DCDC2C: variants seen among roughly 807,000 people sequenced by gnomAD.
DCDC2C encodes the protein doublecortin domain containing 2C, also known as doublecortin domain-containing protein 2C.
Under a neutral mutation model 45.0 loss-of-function variants are expected in DCDC2C, and 44 were observed. The ratio of observed to expected loss-of-function variants is 0.98; its 90% CI spans 0.77 to 1.26. DCDC2C has a LOEUF of 1.26. Ranked by LOEUF, DCDC2C falls within the 50% of genes most tolerant of loss-of-function variation. The probability of loss-of-function intolerance (pLI) is 0.00; values close to 1 mark genes in which losing one functional copy is unlikely to be tolerated. For synonymous variants in DCDC2C, 187 were observed against 178.8 expected (o/e 1.05, Z -0.37); for missense variants, 447 against 468.9 (o/e 0.95, Z 0.43).
intron 10 of DCDC2C, among the ~76,000 whole-genome samples, chr2:3,822,464 T>G (rs2148225353): frequency 6.6e-6 from 1 of 152,256 alleles, no homozygotes; most frequent in South Asian, 2.1e-4. Flanking sequence ...AATAGTGTTA[T>G]TCCCTGTACA....
intron 10 of DCDC2C, among the ~76,000 whole-genome samples, chr2:3,845,066 C>T (rs1289029776): frequency 6.6e-6 from 1 of 152,122 alleles, no homozygotes; most frequent in Non-Finnish European, 1.5e-5. Context: ...CAGTAGAATC[C>T]TATGTACATT....
intron 3 of DCDC2C, among the ~76,000 whole-genome samples, chr2:3,730,331 C>T (rs1668827916): frequency 6.6e-6 from 1 of 152,086 alleles, no homozygotes; most frequent in East Asian, 1.9e-4. Context: ...CTCCCTAAAC[C>T]ATCCAGTAAG....
chr2:3,768,227 G>A (rs1670066780), intron 7 of DCDC2C, among the ~76,000 whole-genome samples: 1 of 151,136 alleles, frequency 6.6e-6, no homozygotes, highest in South Asian at 2.1e-4. Flanking sequence ...GAACATAAAA[G>A]CCACCGAGAT....
intron 1 of DCDC2C, among the ~76,000 whole-genome samples, chr2:3,707,495 C>G (rs1344084190): frequency 1.3e-5 from 2 of 152,206 alleles, no homozygotes; most frequent in Non-Finnish European, 2.9e-5. Flanking sequence ...AGCCAGCAGC[C>G]ATGTTTTGTT....
At chr2:3,770,322 T>A (rs1670129638) in intron 8 of DCDC2C, among the ~76,000 whole-genome samples, 1 of 152,240 alleles carries the variant, frequency 6.6e-6, no homozygotes, top group Non-Finnish European at 1.5e-5. Context: ...CACTCCTTTC[T>A]CCGAATGGAT....
chr2:3,709,191 C>T (rs1668143065), intron 2 of DCDC2C, among the ~76,000 whole-genome samples: 1 of 152,132 alleles, frequency 6.6e-6, no homozygotes, highest in Non-Finnish European at 1.5e-5. Flanking sequence ...TAAAAACGGA[C>T]TTATTTTGTG....
chr2:3,757,410 G>C (rs1669751059), intron 6 of DCDC2C, among the ~76,000 whole-genome samples: 1 of 152,184 alleles, frequency 6.6e-6, no homozygotes, highest in Non-Finnish European at 1.5e-5. Flanking sequence ...GCCAATCAAA[G>C]TATCAGCTTT....
intron 10 of DCDC2C, among the ~76,000 whole-genome samples, chr2:3,838,452 C>CAGAGAGAG (rs61141962): frequency 0.037 from 4,132 of 112,396 alleles, 150 homozygotes; most frequent in East Asian, 0.2. Context: ...AGGATCATGA[C>CAGAGAGAG]AGAGAGAGAG....
intron 8 of DCDC2C, among the ~76,000 whole-genome samples, chr2:3,771,050 C>A (rs1670150632): frequency 6.6e-6 from 1 of 152,228 alleles, no homozygotes; most frequent in South Asian, 2.1e-4. Context: ...TAACACAAGT[C>A]CTGTGGCTTT....
rs1668394387 is a variant in DCDC2C at position 3,718,111 on chromosome 2, C to T, written c.340-8892C>T. On this transcript the variant is annotated intron_variant, in intron 2 of 10. Coordinates refer to ENST00000399143, the MANE Select transcript of DCDC2C (RefSeq NM_001287444.2). ...CAGGAGTGGTGTTGGTCTTTTCCACCACTGCATTCTAACTCAGCACAGTTC... is the reference window on the plus strand; with the variant it reads ...CAGGAGTGGTGTTGGTCTTTTCCACTACTGCATTCTAACTCAGCACAGTTC... 2.0e-5 allele frequency among the ~76,000 whole-genome samples: 3 copies of T among 152,200 alleles called. No individual in the cohort carries two copies. In the South Asian group the frequency reaches 6.2e-4, roughly 31 times the overall value.
chr2:3,766,194 A>G (rs1310314157), intron 6 of DCDC2C, among the ~76,000 whole-genome samples: 1 of 151,588 alleles, frequency 6.6e-6, no homozygotes, highest in Non-Finnish European at 1.5e-5. Flanking sequence ...TGTCACAACT[A>G]CTTCTGTGCC....
intron 10 of DCDC2C, among the ~76,000 whole-genome samples, chr2:3,805,815 C>T (rs115662236): frequency 8.5e-4 from 130 of 152,270 alleles, no homozygotes; most frequent in African/African-American, 2.9e-3. Context: ...TTTTAAGCAA[C>T]GATGTTTTGC....
In DCDC2C at chr2:3,734,604, C is replaced by G. The variant is rs1304129911; in HGVS notation, c.417-7316C>G. Among the ~76,000 whole-genome samples, 1 of 152,146 alleles carries G rather than the reference C, an allele frequency of 6.6e-6. No homozygotes were observed. Among genetic ancestry groups the G allele is most frequent in the East Asian group, 1.9e-4 (1 of 5,186 alleles). ...CATTAAGCAGTGGGGTCTGTAGGGT[C>G]TGAACGGGATGAGGAATGTGTGTGT... On this transcript the variant is annotated intron_variant, in intron 3 of 10. Coordinates refer to ENST00000399143, the MANE Select transcript of DCDC2C (RefSeq NM_001287444.2). This position sits in a 1 kb window ranked among gnomAD's most constrained non-coding sequence, Gnocchi z 4.2.
rs184451487 is a variant in DCDC2C, at chr2:3,828,483, T to C, written c.1066-18671T>C. On this transcript the variant is annotated intron_variant, in intron 10 of 10. Transcript: ENST00000399143. ...TTGTTTCCAAGTGCCCAGCAACCCT[T>C]TGGGCTCTACCCAACAGCATCATAG... Among the ~76,000 whole-genome samples, 35 of 152,290 alleles carry C rather than the reference T, an allele frequency of 2.3e-4. No individual in the cohort carries two copies. The East Asian group carries it at 5.4e-3, about 24-fold the overall frequency.
At chr2:3,735,270 T>A (rs1032971836) in intron 3 of DCDC2C, among the ~76,000 whole-genome samples, 4 of 151,978 alleles carry the variant, frequency 2.6e-5, no homozygotes, top group Admixed American at 6.5e-5. Context: ...TTAATTTTTT[T>A]ATTATTATTA....
chr2:3,766,871 C>T (rs1051509208), intron 6 of DCDC2C, among the ~76,000 whole-genome samples: 5 of 152,186 alleles, frequency 3.3e-5, no homozygotes, highest in African/African-American at 1.2e-4. Flanking sequence ...GCAGTCCTGA[C>T]TTAGTTTGAC....
intron 6 of DCDC2C, among the ~76,000 whole-genome samples, chr2:3,759,441 G>A (rs879519452): frequency 6.6e-6 from 1 of 152,164 alleles, no homozygotes; most frequent in Non-Finnish European, 1.5e-5. Flanking sequence ...AAATAGCTAC[G>A]TGTTTGCAGT....
At chr2:3,784,768 T>G (rs1466227) in intron 9 of DCDC2C, among the ~76,000 whole-genome samples, 1 of 151,892 alleles carries the variant, frequency 6.6e-6, no homozygotes, top group Non-Finnish European at 1.5e-5. Flanking sequence ...AATCAAAGTG[T>G]AACAGAGAAT....
chr2:3,832,791 C>G (rs1477245269), intron 10 of DCDC2C, among the ~76,000 whole-genome samples: 3 of 152,178 alleles, frequency 2.0e-5, no homozygotes, highest in South Asian at 4.1e-4. Flanking sequence ...TTTCTCTCCC[C>G]CAATGTCTAG....
Sources: gnomAD v4.1 joint callset for allele counts (sites outside exome capture counted in the v4.1 genomes callset) on GRCh38, gnomAD v4.1.1 for gene constraint, Gnocchi (gnomAD v3.1) non-coding constraint, MANE v1.5 for transcripts, NCBI Gene and HGNC (gene_info 2026-07-23, HGNC 2026-07-21) for gene names.